Variants in KMT2C observed in about 807,000 individuals in gnomAD.
KMT2C encodes the protein lysine methyltransferase 2C, also known as histone-lysine N-methyltransferase 2C.
In KMT2C, 88 loss-of-function variants were observed where a neutral mutation model predicts 507.9. The observed-to-expected ratio is 0.17, with a 90% CI of 0.15 to 0.21. The LOEUF is 0.21. Ranked by LOEUF, KMT2C falls within the 10% of genes least tolerant of loss-of-function variation. The pLI is 1.00. For missense variants in KMT2C, 4,954 were observed against 5,957.8 expected (o/e 0.83, Z 5.55); for synonymous variants, 2,049 against 2,080.8 (o/e 0.98, Z 0.42).
At chr7:152,370,494 A>G (rs1328911976) in intron 1 of KMT2C, among the ~76,000 whole-genome samples, 1 of 152,218 alleles carries the variant, frequency 6.6e-6, no homozygotes, top group Non-Finnish European at 1.5e-5. Context: ...AGGGAACAAC[A>G]TTTCTCCACT....
At chr7:152,290,498 C>T (rs1325297249) in intron 6 of KMT2C, among the ~76,000 whole-genome samples, 4 of 150,200 alleles carry the variant, frequency 2.7e-5, no homozygotes, top group South Asian at 2.1e-4. Context: ...TTAGTAGAGA[C>T]GGGGTTTCAC....
intron 16 of KMT2C, among the ~76,000 whole-genome samples, chr7:152,231,234 T>G (rs1293800111): frequency 6.6e-6 from 1 of 152,262 alleles, no homozygotes; most frequent in African/African-American, 2.4e-5. Context: ...TGGACTTAGT[T>G]CTATTTGACT....
At chr7:152,430,119 A>G (rs1490864715) in intron 1 of KMT2C, among the ~76,000 whole-genome samples, 1 of 150,962 alleles carries the variant, frequency 6.6e-6, no homozygotes, top group African/African-American at 2.4e-5. Flanking sequence ...CGGCAGCCAC[A>G]GTGAGCCAGG....
intron 3 of KMT2C, among the ~76,000 whole-genome samples, chr7:152,329,923 A>T (rs183593705): frequency 6.6e-6 from 1 of 152,072 alleles, no homozygotes; most frequent in African/African-American, 2.4e-5. Context: ...AGGCAGGTGG[A>T]TCATGAGATC....
intron 1 of KMT2C, among the ~76,000 whole-genome samples, chr7:152,369,326 A>C (rs933687281): frequency 1.4e-4 from 21 of 152,014 alleles, no homozygotes; most frequent in Non-Finnish European, 8.8e-5. Flanking sequence ...CTGTCTCAAA[A>C]AAAAACAAAA....
chr7:152,334,678 C>T (rs2096917700), intron 2 of KMT2C, among the ~76,000 whole-genome samples: 1 of 151,992 alleles, frequency 6.6e-6, no homozygotes, highest in African/African-American at 2.4e-5. Flanking sequence ...ATTATAGTCC[C>T]CTTTCCTACA....
chr7:152,261,258 T>C (rs1297724606), intron 9 of KMT2C, among the ~76,000 whole-genome samples: 1 of 152,194 alleles, frequency 6.6e-6, no homozygotes, highest in Admixed American at 6.5e-5. Flanking sequence ...TTACATAGAA[T>C]AAAGAACAAT....
At chr7:152,410,500 C>T (rs2097670479) in intron 1 of KMT2C, among the ~76,000 whole-genome samples, 1 of 152,082 alleles carries the variant, frequency 6.6e-6, no homozygotes, top group Non-Finnish European at 1.5e-5. Context: ...ATCGCTTGAA[C>T]CTGGGAGGTG....
At chr7:152,248,706 C>T (rs1249183672) in intron 13 of KMT2C, 86 bp from the exon 14 acceptor site, 7 of 745,514 alleles carry the variant, frequency 9.4e-6, no homozygotes, top group Non-Finnish European at 1.5e-5. Context: ...TTTGGCTACA[C>T]TAGAACTTAA....
Position 152,148,805 on chromosome 7 carries a change from A to C in KMT2C, c.13122T>G (p.Pro4374=). 1 of 1,614,216 alleles carries C rather than the reference A, an allele frequency of 6.2e-7. No homozygotes were observed. The highest frequency in any genetic ancestry group is 1.1e-5 in the South Asian group (1 of 91,086). ...GAAATTCATCTATTTCATCCTCACA[A>C]GGTGGTTTAAATGTCCCCTTAGGGA... The part of the protein sequence containing the change: ...IVIPKGTFKP[P]CEDEIDEFLK... Residue 4374 remains proline (P), a synonymous_variant, in exon 52 of 59, where the codon CCT becomes CCG. Coordinates refer to ENST00000262189, the MANE Select transcript of KMT2C (RefSeq NM_170606.3). The surrounding 1 kb of genome is among the most constrained non-coding windows in gnomAD (Gnocchi z 7.1).
intron 6 of KMT2C, among the ~76,000 whole-genome samples, chr7:152,309,399 C>T (rs1319969776): frequency 6.7e-6 from 1 of 148,894 alleles, no homozygotes; most frequent in East Asian, 2.0e-4. Context: ...TCATGGCTCA[C>T]TGCAACCTCA....
intron 40 of KMT2C, among the ~76,000 whole-genome samples, chr7:152,170,400 C>T (rs1260291795): frequency 1.3e-5 from 2 of 152,134 alleles, no homozygotes; most frequent in Non-Finnish European, 2.9e-5. Flanking sequence ...ATGAGTTTTA[C>T]TTCCCCAGAT....
chr7:152,348,456 A>G (rs1341407092), intron 2 of KMT2C, among the ~76,000 whole-genome samples: 1 of 151,094 alleles, frequency 6.6e-6, no homozygotes, highest in Non-Finnish European at 1.5e-5. Flanking sequence ...AAAAGTAGCC[A>G]GGCATGGTGG....
At chr7:152,320,704 T>C (rs1563850701) in intron 3 of KMT2C, among the ~76,000 whole-genome samples, 1 of 152,032 alleles carries the variant, frequency 6.6e-6, no homozygotes, top group Non-Finnish European at 1.5e-5. Context: ...TGAACATCTT[T>C]ATTGTTCATT....
chr7:152,430,184 G>GAAAAAAAAAAAAAAAAAAAAA (rs59960992), intron 1 of KMT2C, among the ~76,000 whole-genome samples: 1 of 87,132 alleles, frequency 1.1e-5, no homozygotes, highest in Non-Finnish European at 2.5e-5. Context: ...TCAAAAAAAA[G>GAAAAAAAAAAAAAAAAAAAAA]AAAAAAAAAA....
intron 18 of KMT2C, among the ~76,000 whole-genome samples, chr7:152,225,918 G>C (rs1213531741): frequency 1.3e-5 from 2 of 152,298 alleles, no homozygotes; most frequent in African/African-American, 4.8e-5. Flanking sequence ...GAAACTCATA[G>C]TATACTGTTT....
chr7:152,319,961 A>G (rs535549784), intron 3 of KMT2C, among the ~76,000 whole-genome samples: 1 of 151,784 alleles, frequency 6.6e-6, no homozygotes, highest in Admixed American at 6.6e-5. Context: ...TCTTGTATCC[A>G]ATACATATCT....
chr7:152,203,670 CAAAT>C (rs1353978645), intron 25 of KMT2C, among the ~76,000 whole-genome samples: 7 of 152,176 alleles, frequency 4.6e-5, no homozygotes, highest in South Asian at 2.1e-4. Flanking sequence ...TTAAATTTGA[CAAAT>C]AAACAATCAA....
chr7:152,156,587 T>G (rs558294149), intron 44 of KMT2C, among the ~76,000 whole-genome samples: 29 of 152,364 alleles, frequency 1.9e-4, no homozygotes, highest in Admixed American at 1.4e-3. Flanking sequence ...CTACTTAAGC[T>G]CTGAAATTAA....
Sources: gnomAD v4.1 joint callset for allele counts (sites outside exome capture counted in the v4.1 genomes callset) on GRCh38, gnomAD v4.1.1 for gene constraint, Gnocchi (gnomAD v3.1) non-coding constraint, MANE v1.5 for transcripts, NCBI Gene and HGNC (gene_info 2026-07-23, HGNC 2026-07-21) for gene names.